Variants in SH2D4B observed in about 807,000 individuals in gnomAD.
The protein encoded by SH2D4B is SH2 domain containing 4B.
In SH2D4B, 45 loss-of-function variants were observed where a neutral mutation model predicts 61.5. The observed-to-expected ratio is 0.73, with a 90% CI of 0.58 to 0.94. SH2D4B has a LOEUF of 0.94. SH2D4B is among the 40% of genes least tolerant of loss of function. SH2D4B has a pLI of 0.00. For synonymous variants in SH2D4B, 224 were observed against 220.4 expected (o/e 1.02, Z -0.14); for missense variants, 572 against 574.2 (o/e 1.00, Z 0.04).
intron 1 of SH2D4B, among the ~76,000 whole-genome samples, chr10:80,542,118 T>C (rs1366099895): frequency 6.6e-6 from 1 of 152,164 alleles, no homozygotes; most frequent in Non-Finnish European, 1.5e-5. Flanking sequence ...AGAGAAGGCA[T>C]GTTATCACAT....
rs1322753419 is a variant in SH2D4B at position 80,645,233 on chromosome 10, G to T, written c.*1148G>T. On this transcript the variant is annotated 3_prime_UTR_variant, in exon 8 of 8. Transcript: ENST00000646907. ...AGGGAACGATTTACTTTACCCGATGGCTGTATCAAACATCTATGCCCCACT... is the reference window on the plus strand; with the variant it reads ...AGGGAACGATTTACTTTACCCGATGTCTGTATCAAACATCTATGCCCCACT... The T allele has an allele frequency of 6.6e-6, 1 of 152,200 alleles. No individual in the cohort carries two copies. Among genetic ancestry groups the T allele is most frequent in the Admixed American group, 6.5e-5 (1 of 15,286 alleles). The allele number at this position is 152,200 out of a possible 1,614,324, so 9.4% of individuals were successfully genotyped here. A position where few individuals can be genotyped will look rare whatever the true frequency, so the allele number is the denominator to read the frequency against.
At chr10:80,590,474 CA>C (rs1842313422) in intron 4 of SH2D4B, among the ~76,000 whole-genome samples, 1 of 152,064 alleles carries the variant, frequency 6.6e-6, no homozygotes, top group South Asian at 2.1e-4. Flanking sequence ...TCAGAAAATA[CA>C]GAAAATGAAA....
chr10:80,619,519 C>G (rs1244584078), intron 6 of SH2D4B, among the ~76,000 whole-genome samples: 2 of 152,202 alleles, frequency 1.3e-5, no homozygotes, highest in Non-Finnish European at 2.9e-5. Context: ...ATCAAGGCCC[C>G]CAATCTAAAT....
chr10:80,582,448 G>A (rs1213406996), intron 3 of SH2D4B, among the ~76,000 whole-genome samples: 2 of 152,188 alleles, frequency 1.3e-5, no homozygotes, highest in Non-Finnish European at 2.9e-5. Flanking sequence ...TAAAAATACT[G>A]TGCTGGCAAG....
At chr10:80,579,950 T>C (rs1056116808) in intron 3 of SH2D4B, among the ~76,000 whole-genome samples, 3 of 152,382 alleles carry the variant, frequency 2.0e-5, no homozygotes, top group Admixed American at 2.0e-4. Flanking sequence ...TCTCTTTACC[T>C]GTTTGATAAC....
chr10:80,559,813 C>T (rs2132111514), intron 1 of SH2D4B, among the ~76,000 whole-genome samples: 1 of 150,762 alleles, frequency 6.6e-6, no homozygotes, highest in South Asian at 2.1e-4. Flanking sequence ...AATTTTTTTA[C>T]ATTTTGCAGA....
intron 3 of SH2D4B, among the ~76,000 whole-genome samples, chr10:80,575,750 A>G (rs114486426): frequency 0.017 from 2,656 of 152,204 alleles, 68 homozygotes; most frequent in African/African-American, 0.059. Flanking sequence ...ACTCCAGCCT[A>G]GGATCCTTAG....
intron 5 of SH2D4B, among the ~76,000 whole-genome samples, chr10:80,604,790 A>AT (rs1564781315): frequency 1.6e-5 from 1 of 64,170 alleles, no homozygotes; most frequent in Non-Finnish European, 3.2e-5. Context: ...TACTGTTCTT[A>AT]GTTTTTTTTT....
chr10:80,570,987 G>T (rs12262272), intron 2 of SH2D4B, among the ~76,000 whole-genome samples: 5,416 of 152,014 alleles, frequency 0.036, 90 homozygotes, highest in Middle Eastern at 0.051. Context: ...TGATCCTCCC[G>T]CCTCAGCCTC....
chr10:80,577,694 G>A (rs11186139), intron 3 of SH2D4B, among the ~76,000 whole-genome samples: 1,526 of 152,074 alleles, frequency 0.01, 24 homozygotes, highest in African/African-American at 0.035. Flanking sequence ...CCAAAGCGCC[G>A]GGATTACAGG....
chr10:80,592,715 C>CTTTTTTT lies in SH2D4B; in HGVS notation c.643+3948_643+3954dup, dbSNP rs60807866. Among the ~76,000 whole-genome samples the CTTTTTTT allele has an allele frequency of 2.4e-4, 32 of 134,524 alleles. 1 individual carries two copies. Among genetic ancestry groups the CTTTTTTT allele is most frequent in the East Asian group, 1.1e-3 (5 of 4,576 alleles). The allele number at this position is 134,524 out of a possible 152,430, so 88.3% of individuals were successfully genotyped here. On this transcript the variant is annotated intron_variant, in intron 4 of 7. Transcript: ENST00000646907. ...GTTTCTGTACTCTGTCTCTCTGTCT[C>CTTTTTTT]TTTTTTTTTTTTTTTTGAGATGGAG...
chr10:80,622,753 A>G (rs1842729200), intron 6 of SH2D4B, among the ~76,000 whole-genome samples: 2 of 152,088 alleles, frequency 1.3e-5, no homozygotes, highest in South Asian at 2.1e-4. Context: ...TCTTGGATCC[A>G]TTAGCCACCC....
intron 7 of SH2D4B, among the ~76,000 whole-genome samples, chr10:80,642,117 G>A (rs1049064944): frequency 5.9e-5 from 9 of 151,652 alleles, no homozygotes; most frequent in Non-Finnish European, 7.4e-5. Flanking sequence ...TTTGAGACAA[G>A]GTCTTACTCT....
chr10:80,616,548 A>C (rs528320478), intron 6 of SH2D4B, among the ~76,000 whole-genome samples: 1 of 152,144 alleles, frequency 6.6e-6, no homozygotes, highest in Admixed American at 6.5e-5. Flanking sequence ...TCTATCAGCT[A>C]TCTGTAGTTC....
intron 6 of SH2D4B, among the ~76,000 whole-genome samples, chr10:80,624,756 T>G (rs1842752600): frequency 6.6e-6 from 1 of 152,234 alleles, no homozygotes; most frequent in Non-Finnish European, 1.5e-5. Flanking sequence ...GAAAACTGAT[T>G]AGTGACTCTG....
chr10:80,587,906 CT>C (rs1156370071), intron 3 of SH2D4B, among the ~76,000 whole-genome samples: 1 of 152,168 alleles, frequency 6.6e-6, no homozygotes, highest in Non-Finnish European at 1.5e-5. Context: ...ATCTATGTTA[CT>C]GCAGAGGACG....
At chr10:80,623,253 T>G (rs1216415750) in intron 6 of SH2D4B, among the ~76,000 whole-genome samples, 1 of 152,234 alleles carries the variant, frequency 6.6e-6, no homozygotes, top group African/African-American at 2.4e-5. Flanking sequence ...ATTTATTGCC[T>G]TACAGTTCTG....
chr10:80,594,630 A>AT (rs1388789385), intron 4 of SH2D4B, among the ~76,000 whole-genome samples: 3 of 152,028 alleles, frequency 2.0e-5, no homozygotes, highest in Admixed American at 6.6e-5. Context: ...CTTTACGGGA[A>AT]TTTTTTTTGA....
intron 3 of SH2D4B, among the ~76,000 whole-genome samples, chr10:80,586,756 T>A (rs1407257345): frequency 2.0e-5 from 3 of 152,250 alleles, no homozygotes; most frequent in Admixed American, 1.3e-4. Flanking sequence ...GAAGCTTTGT[T>A]TTTTCACTCT....
Sources: gnomAD v4.1 joint callset for allele counts (sites outside exome capture counted in the v4.1 genomes callset) on GRCh38, gnomAD v4.1.1 for gene constraint, MANE v1.5 for transcripts, NCBI Gene and HGNC (gene_info 2026-07-23, HGNC 2026-07-21) for gene names.